EHMT1: variants seen among roughly 807,000 people sequenced by gnomAD.
EHMT1 encodes the protein histone-lysine N-methyltransferase EHMT1.
A neutral mutation model predicts 147.2 loss-of-function variants in EHMT1; 15 were observed. The observed-to-expected ratio is 0.10, with a 90% confidence interval of 0.07 to 0.16. EHMT1 has a LOEUF of 0.16. EHMT1 is among the 10% of genes least tolerant of loss of function. The pLI is 1.00. For synonymous variants in EHMT1, 795 were observed against 709.6 expected (o/e 1.12, Z -1.91); for missense variants, 1,587 against 1,772.4 (o/e 0.90, Z 1.88).
intron 1 of EHMT1, among the ~76,000 whole-genome samples, chr9:137,681,124 G>T (rs1437989321): frequency 9.9e-5 from 15 of 152,234 alleles, no homozygotes; most frequent in African/African-American, 3.4e-4. Context: ...TTATCTCAGG[G>T]TGTTGCATTC....
At chr9:137,767,499 C>A (rs761842822) in intron 10 of EHMT1, among the ~76,000 whole-genome samples, 1 of 152,108 alleles carries the variant, frequency 6.6e-6, no homozygotes, top group Non-Finnish European at 1.5e-5. Context: ...ATTATACTTA[C>A]CAGTTGTGCA....
chr9:137,646,280 A>G, intron 1 of EHMT1: 1 of 927,228 alleles, frequency 1.1e-6, no homozygotes, highest in Non-Finnish European at 1.3e-6. Context: ...TTTTAAATGT[A>G]GATGCTAGAA....
intron 26 of EHMT1, 95 bp from the exon 27 acceptor site, chr9:137,834,678 G>A (rs980657369): frequency 1.9e-5 from 31 of 1,601,642 alleles, no homozygotes; most frequent in African/African-American, 4.0e-5. Flanking sequence ...ACGGCAGATC[G>A]GGGTGAGGAA....
intron 16 of EHMT1, among the ~76,000 whole-genome samples, chr9:137,794,650 GAAAA>G (rs11302977): frequency 1.2e-4 from 13 of 106,250 alleles, no homozygotes; most frequent in African/African-American, 3.3e-4. Context: ...CCATCTCTAA[GAAAA>G]AAAAAAAAAA....
At chr9:137,811,240 GAAAC>G (rs1341744817) in intron 18 of EHMT1, among the ~76,000 whole-genome samples, 43 of 152,188 alleles carry the variant, frequency 2.8e-4, no homozygotes, top group East Asian at 1.9e-4. Flanking sequence ...TTTTTACAAT[GAAAC>G]AAACAAAACA....
intron 18 of EHMT1, among the ~76,000 whole-genome samples, chr9:137,808,991 A>T (rs1323688593): frequency 6.6e-6 from 1 of 152,216 alleles, no homozygotes. Context: ...GAAAAAGAAA[A>T]GAGGCCCCTA....
chr9:137,644,327 A>G (rs1211229621), intron 1 of EHMT1, among the ~76,000 whole-genome samples: 2 of 144,054 alleles, frequency 1.4e-5, no homozygotes, highest in African/African-American at 5.1e-5. Flanking sequence ...ACAGTCACAT[A>G]CTTTTTTTTT....
intron 4 of EHMT1, among the ~76,000 whole-genome samples, chr9:137,742,395 C>T (rs1030350509): frequency 6.6e-6 from 1 of 151,830 alleles, no homozygotes; most frequent in Non-Finnish European, 1.5e-5. Context: ...GAAGCAAACC[C>T]TCCCTCCCAC....
chr9:137,668,291 C>T (rs1256718124), intron 1 of EHMT1, among the ~76,000 whole-genome samples: 2 of 151,926 alleles, frequency 1.3e-5, no homozygotes, highest in Non-Finnish European at 2.9e-5. Context: ...CTTCCTCTTC[C>T]TCCATTCTCC....
intron 25 of EHMT1, 69 bp downstream of exon 25, chr9:137,818,207 A>G: frequency 6.5e-7 from 1 of 1,545,424 alleles, no homozygotes; most frequent in Non-Finnish European, 8.9e-7. Flanking sequence ...TGTTTGTCCC[A>G]GTAGGGCTGG....
chr9:137,721,954 C>G (rs553398297), intron 3 of EHMT1, among the ~76,000 whole-genome samples: 35 of 151,534 alleles, frequency 2.3e-4, no homozygotes, highest in South Asian at 1.7e-3. Flanking sequence ...AACTCTTCAC[C>G]TAGCCCTAGA....
intron 1 of EHMT1, chr9:137,620,064 C>G (rs1013037620): frequency 6.6e-6 from 1 of 152,176 alleles, no homozygotes; most frequent in African/African-American, 2.4e-5. Flanking sequence ...TGTATTTTAA[C>G]TCAGGTAATG....
intron 10 of EHMT1, among the ~76,000 whole-genome samples, chr9:137,769,827 T>C (rs910993883): frequency 9.6e-4 from 133 of 138,484 alleles, no homozygotes; most frequent in African/African-American, 4.3e-3. Context: ...TTTTTTTCTT[T>C]CCTTTTCCTT....
intron 3 of EHMT1, 42 bp from the exon 4 acceptor site, chr9:137,728,307 C>T (rs370724576): frequency 6.2e-7 from 1 of 1,613,612 alleles, no homozygotes; most frequent in East Asian, 2.2e-5. Flanking sequence ...CAGTGACCAC[C>T]TGCTTATGCA....
At chr9:137,685,153 C>T (rs1942318340) in intron 1 of EHMT1, 1 of 152,060 alleles carries the variant, frequency 6.6e-6, no homozygotes, top group Non-Finnish European at 1.5e-5. Context: ...GCATTAAGTA[C>T]CTTCACAGTG....
intron 1 of EHMT1, among the ~76,000 whole-genome samples, chr9:137,705,748 A>G (rs536350306): frequency 6.6e-6 from 1 of 152,302 alleles, no homozygotes; most frequent in South Asian, 2.1e-4. Flanking sequence ...GGTTTGGAGT[A>G]GGCACTGCAC....
chr9:137,727,385 G>T (rs143357314), intron 3 of EHMT1, among the ~76,000 whole-genome samples: 65 of 152,290 alleles, frequency 4.3e-4, no homozygotes, highest in Admixed American at 1.8e-3. Flanking sequence ...CCAATGTTGG[G>T]AAGCTTCCCC....
intron 23 of EHMT1, chr9:137,816,643 C>A: frequency 5.9e-6 from 1 of 168,988 alleles, no homozygotes; most frequent in Admixed American, 5.5e-5. Context: ...CAAATGTGCC[C>A]GAGATTGGAG....
intron 1 of EHMT1, among the ~76,000 whole-genome samples, chr9:137,657,063 A>G (rs1408446725): frequency 6.6e-6 from 1 of 152,038 alleles, no homozygotes; most frequent in Non-Finnish European, 1.5e-5. Context: ...TTGTCTGTTC[A>G]TCCTGCAAGT....
Sources: gnomAD v4.1 joint callset for allele counts (sites outside exome capture counted in the v4.1 genomes callset) on GRCh38, gnomAD v4.1.1 for gene constraint, MANE v1.5 for transcripts, NCBI Gene and HGNC (gene_info 2026-07-23, HGNC 2026-07-21) for gene names.